Variants in LRP1B observed in about 807,000 individuals in gnomAD.
The protein encoded by LRP1B is LDL receptor related protein 1B.
Under a neutral mutation model 556.6 loss-of-function variants are expected in LRP1B, and 217 were observed. The observed-to-expected ratio is 0.39, with a 90% CI of 0.35 to 0.44. LRP1B has a LOEUF of 0.44. Among genes scored for constraint, LRP1B ranks in the 20% least tolerant of loss-of-function variants. The probability of loss-of-function intolerance (pLI) is 1.00; values close to 1 mark genes in which losing one functional copy is unlikely to be tolerated. For missense variants in LRP1B, 5,053 were observed against 5,620.8 expected (o/e 0.90, Z 3.23); for synonymous variants, 2,047 against 1,865.8 (o/e 1.10, Z -2.50).
chr2:140,686,953 G>T (rs1316310434), intron 41 of LRP1B, among the ~76,000 whole-genome samples: 2 of 152,058 alleles, frequency 1.3e-5, no homozygotes, highest in Non-Finnish European at 2.9e-5. Flanking sequence ...GGTCATCACA[G>T]AATTAAATGA....
chr2:141,127,501 A>G (rs1309056827), intron 7 of LRP1B, among the ~76,000 whole-genome samples: 1 of 152,216 alleles, frequency 6.6e-6, no homozygotes, highest in African/African-American at 2.4e-5. Context: ...AATGCCCATC[A>G]GTAATAGACT....
intron 3 of LRP1B, among the ~76,000 whole-genome samples, chr2:141,367,324 G>A (rs1425102705): frequency 6.6e-6 from 1 of 151,812 alleles, no homozygotes; most frequent in Non-Finnish European, 1.5e-5. Flanking sequence ...ATTTGTATAT[G>A]CATTAAAAAT....
chr2:141,341,799 A>C (rs1391216442), intron 3 of LRP1B, among the ~76,000 whole-genome samples: 1 of 152,294 alleles, frequency 6.6e-6, no homozygotes, highest in South Asian at 2.1e-4. Flanking sequence ...TAAGATGGAA[A>C]GATCTTGGCC....
chr2:140,559,221 C>T (rs1289071004), intron 43 of LRP1B, among the ~76,000 whole-genome samples: 3 of 151,368 alleles, frequency 2.0e-5, no homozygotes, highest in East Asian at 1.9e-4. Context: ...TTTTTAACAA[C>T]CGAAAATTTC....
intron 1 of LRP1B, among the ~76,000 whole-genome samples, chr2:142,101,145 A>T (rs1261339845): frequency 3.9e-5 from 6 of 152,028 alleles, no homozygotes; most frequent in Non-Finnish European, 8.8e-5. Context: ...GGAATAAAGG[A>T]TCAACTGTAG....
chr2:141,386,183 A>T (rs1689828452), intron 3 of LRP1B, among the ~76,000 whole-genome samples: 1 of 152,166 alleles, frequency 6.6e-6, no homozygotes, highest in Admixed American at 6.5e-5. Context: ...CAAAAATTTT[A>T]TGTTTAGACT....
intron 10 of LRP1B, 70 bp from the exon 11 acceptor site, chr2:141,049,292 C>G (rs1023383251): frequency 2.1e-6 from 2 of 952,348 alleles, no homozygotes; most frequent in Non-Finnish European, 1.7e-6. Flanking sequence ...ATAATGCCAC[C>G]GTTTAACTGG....
At chr2:140,672,782 T>C (rs1685534344) in intron 41 of LRP1B, among the ~76,000 whole-genome samples, 1 of 152,202 alleles carries the variant, frequency 6.6e-6, no homozygotes, top group Non-Finnish European at 1.5e-5. Flanking sequence ...TATAATATTC[T>C]CAAAAACGTT....
intron 83 of LRP1B, among the ~76,000 whole-genome samples, chr2:140,312,602 GCTT>G (rs1684352724): frequency 6.6e-6 from 1 of 151,644 alleles, no homozygotes; most frequent in Non-Finnish European, 1.5e-5. Context: ...TTAATACTAT[GCTT>G]TACTCTGATT....
chr2:141,316,232 C>T (rs936921086), intron 3 of LRP1B, among the ~76,000 whole-genome samples: 4 of 152,134 alleles, frequency 2.6e-5, no homozygotes, highest in South Asian at 2.1e-4. Context: ...ACAGATGCCA[C>T]GTATCCCACA....
At chr2:140,536,311 TAAAAAAAAAAAAAAAAA>T (rs70988404) in intron 46 of LRP1B, among the ~76,000 whole-genome samples, 2 of 61,872 alleles carry the variant, frequency 3.2e-5, no homozygotes, top group African/African-American at 8.1e-5. Context: ...CCCGTCTCTT[TAAAAAAAAAAAAAAAAA>T]AAAAAAAAAA....
chr2:140,999,871 C>T lies in LRP1B; in HGVS notation c.2503+5464G>A, dbSNP rs556460309. Among the ~76,000 whole-genome samples, 9 of 152,036 alleles carry T rather than the reference C, an allele frequency of 5.9e-5. 2 individuals are homozygous for T. The highest frequency in any genetic ancestry group is 2.2e-4 in the African/African-American group (9 of 41,510). ...TGCTGAGGAAAACCAATACTGAAAACCCATTCGTGCATCTGGAGAAGGTGA... is the reference window on the plus strand; with the variant it reads ...TGCTGAGGAAAACCAATACTGAAAATCCATTCGTGCATCTGGAGAAGGTGA... On this transcript the variant is annotated intron_variant, in intron 15 of 90. Coordinates refer to ENST00000389484, the MANE Select transcript of LRP1B (RefSeq NM_018557.3).
chr2:140,835,725 G>C (rs568486234), intron 31 of LRP1B, among the ~76,000 whole-genome samples: 2 of 152,124 alleles, frequency 1.3e-5, no homozygotes, highest in Admixed American at 1.3e-4. Context: ...TTTCAGTAGA[G>C]ATGGGTTTTC....
intron 23 of LRP1B, among the ~76,000 whole-genome samples, chr2:140,890,949 T>G (rs921357214): frequency 1.3e-5 from 2 of 152,094 alleles, no homozygotes; most frequent in Non-Finnish European, 2.9e-5. Context: ...TTAGAATGAA[T>G]ATAAATAATA....
intron 43 of LRP1B, among the ~76,000 whole-genome samples, chr2:140,590,894 T>C (rs1038113744): frequency 6.6e-6 from 1 of 152,200 alleles, no homozygotes; most frequent in African/African-American, 2.4e-5. Flanking sequence ...GCTTATCACT[T>C]AATGTATACT....
At chr2:140,416,618 G>A (rs2105257962) in intron 66 of LRP1B, among the ~76,000 whole-genome samples, 1 of 151,996 alleles carries the variant, frequency 6.6e-6, no homozygotes, top group South Asian at 2.1e-4. Context: ...ATCATGCACT[G>A]CACTCCAGCC....
chr2:140,439,919 TTATATG>T (rs1401541724), intron 66 of LRP1B, among the ~76,000 whole-genome samples: 5 of 152,254 alleles, frequency 3.3e-5, no homozygotes, highest in African/African-American at 1.2e-4. Context: ...ATTCCCCCCA[TTATATG>T]TATATTTTGT....
intron 2 of LRP1B, among the ~76,000 whole-genome samples, chr2:141,726,589 A>T (rs1409794808): frequency 6.6e-6 from 1 of 152,048 alleles, no homozygotes; most frequent in East Asian, 1.9e-4. Flanking sequence ...ATTACTCCCC[A>T]GTAACATCAA....
At chr2:141,094,640 C>A (rs1199917619) in intron 7 of LRP1B, among the ~76,000 whole-genome samples, 1 of 152,106 alleles carries the variant, frequency 6.6e-6, no homozygotes, top group African/African-American at 2.4e-5. Context: ...AAAGAATATT[C>A]TTCTCTAAGA....
Sources: allele counts gnomAD v4.1 joint callset (sites outside exome capture counted in the v4.1 genomes callset), GRCh38; gene constraint gnomAD v4.1.1; transcripts MANE v1.5; gene names NCBI Gene and HGNC (gene_info 2026-07-23, HGNC 2026-07-21).